Variants in KCNAB1 observed in about 807,000 individuals in gnomAD.
The protein encoded by KCNAB1 is potassium voltage-gated channel subfamily A regulatory beta subunit 1, also known as voltage-gated potassium channel subunit beta-1.
In KCNAB1, 35 loss-of-function variants were observed where a neutral mutation model predicts 64.6. The observed-to-expected ratio is 0.54, with a 90% CI of 0.41 to 0.72. The LOEUF (loss-of-function observed/expected upper bound fraction) is 0.72, where lower values mean the gene tolerates loss of function less well. Among genes scored for constraint, KCNAB1 ranks in the 30% least tolerant of loss-of-function variants. The pLI, the probability that KCNAB1 is intolerant of heterozygous loss-of-function variation, is 0.00. For missense variants in KCNAB1, 401 were observed against 512.9 expected (o/e 0.78, Z 2.11); for synonymous variants, 177 against 183.8 (o/e 0.96, Z 0.30).
chr3:156,390,383 C>T (rs980033983), intron 1 of KCNAB1, among the ~76,000 whole-genome samples: 4 of 152,086 alleles, frequency 2.6e-5, no homozygotes, highest in Non-Finnish European at 4.4e-5. Flanking sequence ...TGGCAACATA[C>T]TCATGACTTT....
chr3:156,533,269 T>C (rs576231513), intron 13 of KCNAB1, among the ~76,000 whole-genome samples: 3 of 152,336 alleles, frequency 2.0e-5, no homozygotes, highest in African/African-American at 7.2e-5. Flanking sequence ...ATATGTTTAT[T>C]CCGAGGGCTT....
intron 2 of KCNAB1, among the ~76,000 whole-genome samples, chr3:156,423,053 T>G (rs76435008): frequency 6.6e-6 from 1 of 152,156 alleles, no homozygotes; most frequent in Non-Finnish European, 1.5e-5. Context: ...TTACAAGGTC[T>G]GTTTGGGTGG....
intron 11 of KCNAB1, among the ~76,000 whole-genome samples, chr3:156,517,484 T>C (rs1356459990): frequency 1.3e-5 from 2 of 152,130 alleles, no homozygotes; most frequent in African/African-American, 4.8e-5. Flanking sequence ...AAATTAAAGA[T>C]TGTTCTGAAA....
chr3:156,419,584 T>C (rs972777531), intron 1 of KCNAB1, among the ~76,000 whole-genome samples: 1 of 152,044 alleles, frequency 6.6e-6, no homozygotes, highest in African/African-American at 2.4e-5. Flanking sequence ...TCTTGCTCTA[T>C]AGAGTTTTCT....
chr3:156,353,673 G>T (rs1478949431), intron 1 of KCNAB1, among the ~76,000 whole-genome samples: 1 of 152,152 alleles, frequency 6.6e-6, no homozygotes, highest in African/African-American at 2.4e-5. Context: ...CAGGCTCCTC[G>T]CTGGCTATTG....
At chr3:156,197,441 CT>C (rs1714028265) in intron 1 of KCNAB1, among the ~76,000 whole-genome samples, 1 of 151,982 alleles carries the variant, frequency 6.6e-6, no homozygotes, top group Non-Finnish European at 1.5e-5. Context: ...TGGTCCTGGG[CT>C]TTTTTTGGTT....
intron 1 of KCNAB1, among the ~76,000 whole-genome samples, chr3:156,256,141 G>T (rs939973323): frequency 1.3e-5 from 2 of 151,976 alleles, no homozygotes; most frequent in Admixed American, 6.6e-5. Context: ...GTTTCTTTAG[G>T]TTTTTTGTGG....
At chr3:156,192,778 G>A (rs1713638422) in intron 1 of KCNAB1, among the ~76,000 whole-genome samples, 1 of 151,890 alleles carries the variant, frequency 6.6e-6, no homozygotes, top group African/African-American at 2.4e-5. Flanking sequence ...TTTGAAGTAG[G>A]CTTTTTCTAA....
intron 4 of KCNAB1, 35 bp downstream of exon 4, chr3:156,457,567 A>G (rs1712538904): frequency 6.4e-7 from 1 of 1,552,886 alleles, no homozygotes; most frequent in Non-Finnish European, 8.9e-7. Context: ...CTCAAATGGC[A>G]TCTGTAGCAC....
At chr3:156,269,856 A>G (rs1329738595) in intron 1 of KCNAB1, among the ~76,000 whole-genome samples, 3 of 147,804 alleles carry the variant, frequency 2.0e-5, no homozygotes, top group East Asian at 2.0e-4. Flanking sequence ...TTTTCAGTCT[A>G]TGTATGTCTT....
At chr3:156,409,287 T>C (rs1714472746) in intron 1 of KCNAB1, among the ~76,000 whole-genome samples, 1 of 152,208 alleles carries the variant, frequency 6.6e-6, no homozygotes, top group South Asian at 2.1e-4. Flanking sequence ...TTTAACCAAC[T>C]GGAATTAATT....
intron 11 of KCNAB1, among the ~76,000 whole-genome samples, chr3:156,518,414 A>G (rs1717697987): frequency 6.6e-6 from 1 of 150,670 alleles, no homozygotes; most frequent in Non-Finnish European, 1.5e-5. Context: ...GGAGGCAAGT[A>G]TCAGAGCAAC....
At chr3:156,364,493 A>G (rs1725818259) in intron 1 of KCNAB1, among the ~76,000 whole-genome samples, 1 of 152,100 alleles carries the variant, frequency 6.6e-6, no homozygotes, top group Non-Finnish European at 1.5e-5. Context: ...AAACTGCAAC[A>G]CAAGGCCAGG....
intron 2 of KCNAB1, among the ~76,000 whole-genome samples, chr3:156,439,224 A>ATTTTTTTTTTTTTTT: frequency 8.7e-6 from 1 of 115,120 alleles, no homozygotes; most frequent in Non-Finnish European, 1.8e-5. Context: ...CATCATTGTG[A>ATTTTTTTTTTTTTTT]TTTTTTTTTT....
At chr3:156,157,355 A>T (rs1177364646) in intron 1 of KCNAB1, among the ~76,000 whole-genome samples, 1 of 152,164 alleles carries the variant, frequency 6.6e-6, no homozygotes, top group Admixed American at 6.5e-5. Flanking sequence ...ATCATAAGAA[A>T]TTGGCCCTAC....
At chr3:156,235,770 T>C (rs1049778485) in intron 1 of KCNAB1, among the ~76,000 whole-genome samples, 1 of 152,200 alleles carries the variant, frequency 6.6e-6, no homozygotes, top group Non-Finnish European at 1.5e-5. Flanking sequence ...GATCAGTGTT[T>C]CTGGAGGGAC....
intron 1 of KCNAB1, among the ~76,000 whole-genome samples, chr3:156,203,030 T>A (rs971695691): frequency 6.6e-6 from 1 of 152,198 alleles, no homozygotes; most frequent in Non-Finnish European, 1.5e-5. Context: ...AGTTTTGGTA[T>A]TAGTGGTGTG....
chr3:156,245,854 C>G (rs564791091), intron 1 of KCNAB1, among the ~76,000 whole-genome samples: 2 of 152,174 alleles, frequency 1.3e-5, no homozygotes, highest in African/African-American at 4.8e-5. Flanking sequence ...CAGAGAAAGG[C>G]ATTTAGCAAC....
At chr3:156,338,720 T>A (rs982410544) in intron 1 of KCNAB1, among the ~76,000 whole-genome samples, 8 of 152,330 alleles carry the variant, frequency 5.3e-5, no homozygotes, top group East Asian at 1.9e-4. Flanking sequence ...TCCCTGACCA[T>A]GTCCCAGGTT....
Sources: gnomAD v4.1 joint callset for allele counts (sites outside exome capture counted in the v4.1 genomes callset) on GRCh38, gnomAD v4.1.1 for gene constraint, MANE v1.5 for transcripts, NCBI Gene and HGNC (gene_info 2026-07-23, HGNC 2026-07-21) for gene names.